CALU: variants seen among roughly 807,000 people sequenced by gnomAD.
CALU encodes calumenin.
Under a neutral mutation model 37.5 loss-of-function variants are expected in CALU, and 13 were observed. That is an observed-to-expected ratio of 0.35 (90% CI 0.23 to 0.55). The LOEUF (loss-of-function observed/expected upper bound fraction) is 0.55. Ranked by LOEUF, CALU falls within the 20% of genes least tolerant of loss-of-function variation. CALU has a pLI of 0.89. For synonymous variants in CALU, 114 were observed against 133.8 expected, an observed-to-expected ratio of 0.85 and a Z score of 1.02; for missense variants, 282 against 391.7, an observed-to-expected ratio of 0.72 and a Z score of 2.36.
At chr7:128,765,150 A>G (rs1801282046) in intron 5 of CALU, among the ~76,000 whole-genome samples, 1 of 152,132 alleles carries the variant, frequency 6.6e-6, no homozygotes, top group Non-Finnish European at 1.5e-5. Flanking sequence ...CCTGGGCTCA[A>G]GAGCTCTACC....
Position 128,772,747 on chromosome 7 carries a change from G to C in CALU, c.*3580G>C. On this transcript the variant is annotated 3_prime_UTR_variant, in exon 7 of 7. Transcript: ENST00000249364. ...TTATTCTCTGTATCACCAAAGCCTT[G>C]CACAATGCTTTGTACCCAGAATGCC... 6.4e-7 allele frequency: 1 copy of C among 1,563,128 alleles called. No homozygotes were observed. Among genetic ancestry groups the C allele is most frequent in the Non-Finnish European group, 8.8e-7 (1 of 1,135,748 alleles).
intron 5 of CALU, among the ~76,000 whole-genome samples, chr7:128,760,308 G>C (rs1367868079): frequency 3.9e-5 from 6 of 152,208 alleles, no homozygotes; most frequent in African/African-American, 1.4e-4. Context: ...CAGTGTGATA[G>C]TGGGTTGTGA....
At chr7:128,751,163 C>T (rs1437095484) in intron 2 of CALU, among the ~76,000 whole-genome samples, 2 of 151,868 alleles carry the variant, frequency 1.3e-5, no homozygotes, top group Non-Finnish European at 2.9e-5. Flanking sequence ...TGGCGCGTGC[C>T]TGTAGTCCCA....
In CALU at chr7:128,759,792, G is replaced by T; in HGVS notation, c.583G>T (p.Glu195Ter). The part of the protein sequence containing the change: ...YDYMKDIVVQ[E>*]TMEDIDKNAD... The stretch of plus-strand genomic sequence containing the variant: ...TCTCTTCTTATTCTTTCCTGTTTAG[G>T]AAACAATGGAAGATATAGATAAGAA... Residue 195 changes from glutamate (E) to a stop codon, truncating the protein, a stop_gained and splice_region_variant, in exon 5 of 7, where the codon GAA (glutamate) becomes TAA (stop). Coordinates refer to ENST00000249364, the MANE Select transcript of CALU (RefSeq NM_001219.5). LOFTEE classifies it high-confidence loss of function. The T allele has an allele frequency of 7.6e-7, 1 of 1,321,242 alleles. No individual in the cohort carries two copies. The highest frequency in any genetic ancestry group is 1.2e-5 in the South Asian group (1 of 85,264). 81.8% of individuals were successfully genotyped at this position (1,321,242 alleles called of 1,614,324 possible).
chr7:128,768,866 A>AAAAAAAAAAAAAAAC, intron 6 of CALU, among the ~76,000 whole-genome samples, 197 bp from the exon 7 acceptor site: 1 of 150,894 alleles, frequency 6.6e-6, no homozygotes, highest in Non-Finnish European at 1.5e-5. Context: ...AAAAAAAAAA[A>AAAAAAAAAAAAAAAC]AACAAGGAAT....
rs530935719 is a variant in CALU at position 128,746,154 on chromosome 7, CT to C, written c.-11-2406del. Among the ~76,000 whole-genome samples the C allele has an allele frequency of 5.1e-3, 730 of 142,778 alleles. 6 individuals carry two copies. The highest frequency in any genetic ancestry group is 0.013 in the African/African-American group (493 of 39,288). 93.7% of individuals were successfully genotyped at this position (142,778 alleles called of 152,430 possible). ...TCACTGCAGATAGATGCATCTCGTT[CT>C]TTTTTTTTTTTTACATTCTTTTTTT... On this transcript the variant is annotated intron_variant, in intron 1 of 6. Transcript: ENST00000249364.
chr7:128,765,993 C>G (rs339095), intron 5 of CALU, among the ~76,000 whole-genome samples: 70,943 of 152,084 alleles, frequency 0.47, 16,952 homozygotes, highest in Non-Finnish European at 0.49. Flanking sequence ...GTCTCTCTCT[C>G]TCACCCAGGC....
At chr7:128,754,127 TCAG>T in intron 2 of CALU, 132 bp from the exon 3 acceptor site, 2 of 652,204 alleles carry the variant, frequency 3.1e-6, no homozygotes, top group Non-Finnish European at 5.2e-6. Context: ...ACCATTTTTT[TCAG>T]TTGCTGGCCT....
In CALU at chr7:128,754,328, G is replaced by T; in HGVS notation, c.288G>T (p.Trp96Cys). Residue 96 changes from tryptophan (W) to cysteine (C), a missense_variant, in exon 3 of 7, where the codon TGG (tryptophan) becomes TGT (cysteine). Physicochemically the swap from Trp to Cys is radical, Grantham distance 215. Transcript: ENST00000249364. Reference sequence around the variant, plus strand: ...TCACTGTGGATGAGCTCAAAGACTGGATTAAATTTGCACAAAAGCGCTGGA... The same window carrying T: ...TCACTGTGGATGAGCTCAAAGACTGTATTAAATTTGCACAAAAGCGCTGGA... ...GFVTVDELKD[W>C]IKFAQKRWIY... The T allele has an allele frequency of 6.2e-7, 1 of 1,614,136 alleles. No homozygotes were observed. Among genetic ancestry groups the T allele is most frequent in the Non-Finnish European group, 8.5e-7 (1 of 1,179,992 alleles).
intron 5 of CALU, among the ~76,000 whole-genome samples, chr7:128,766,106 G>A (rs1801317821): frequency 6.6e-6 from 1 of 151,906 alleles, no homozygotes; most frequent in South Asian, 2.1e-4. Flanking sequence ...TACAGGTGTG[G>A]GCCAGCACGC....
intron 3 of CALU, among the ~76,000 whole-genome samples, chr7:128,757,242 T>C (rs984925441): frequency 6.6e-5 from 10 of 152,300 alleles, no homozygotes; most frequent in African/African-American, 2.4e-4. Context: ...TAAGTTGTCT[T>C]GTTATGTTTC....
chr7:128,764,304 T>G (rs975516379), intron 5 of CALU, among the ~76,000 whole-genome samples: 1 of 151,944 alleles, frequency 6.6e-6, no homozygotes, highest in Non-Finnish European at 1.5e-5. Flanking sequence ...CCAGGCATGG[T>G]GGCGTGTGCC....
intron 5 of CALU, among the ~76,000 whole-genome samples, chr7:128,762,331 T>C (rs1801149992): frequency 6.6e-6 from 1 of 151,956 alleles, no homozygotes; most frequent in Non-Finnish European, 1.5e-5. Context: ...AGAGGAGTTA[T>C]ATTTTGAAGC....
intron 2 of CALU, among the ~76,000 whole-genome samples, chr7:128,749,336 A>G (rs1800569294): frequency 6.6e-6 from 1 of 152,178 alleles, no homozygotes; most frequent in South Asian, 2.1e-4. Flanking sequence ...TTGTAACTTA[A>G]TGTCTGAGTA....
chr7:128,751,473 T>G (rs548704386), intron 2 of CALU, among the ~76,000 whole-genome samples: 120 of 152,184 alleles, frequency 7.9e-4, no homozygotes, highest in Non-Finnish European at 1.3e-3. Context: ...ATGGCTGTAA[T>G]CCCAGCACTT....
At chr7:128,744,763 T>A (rs1200295668) in intron 1 of CALU, among the ~76,000 whole-genome samples, 1 of 152,064 alleles carries the variant, frequency 6.6e-6, no homozygotes, top group Non-Finnish European at 1.5e-5. Flanking sequence ...AGACTGTGGG[T>A]AGTGGAGACC....
intron 1 of CALU, among the ~76,000 whole-genome samples, chr7:128,740,820 A>G (rs149142856): frequency 6.6e-6 from 1 of 152,198 alleles, no homozygotes; most frequent in African/African-American, 2.4e-5. Context: ...TCATCCAGTG[A>G]TGTGTCAAGA....
chr7:128,766,256 C>G (rs886372795), intron 5 of CALU, among the ~76,000 whole-genome samples: 1 of 152,008 alleles, frequency 6.6e-6, no homozygotes. Context: ...GCCACTGCAC[C>G]CAGCCCAAAA....
At chr7:128,754,513 CTGTTTT>C in intron 3 of CALU, 58 bp downstream of exon 3, 1 of 1,590,528 alleles carries the variant, frequency 6.3e-7, no homozygotes. Flanking sequence ...TGAAACGTAA[CTGTTTT>C]GTCTTGTAGA....
Sources: gnomAD v4.1 joint callset for allele counts (sites outside exome capture counted in the v4.1 genomes callset) on GRCh38, gnomAD v4.1.1 for gene constraint, MANE v1.5 for transcripts, NCBI Gene and HGNC (gene_info 2026-07-23, HGNC 2026-07-21) for gene names.